Variants in MYO1F observed in about 807,000 individuals in gnomAD.
The protein encoded by MYO1F is unconventional myosin-If.
Under a neutral mutation model 146.6 loss-of-function variants are expected in MYO1F, and 60 were observed. That is an observed-to-expected ratio of 0.41 (90% CI 0.33 to 0.51). MYO1F has a LOEUF of 0.51. Ranked by LOEUF, MYO1F falls within the 20% of genes least tolerant of loss-of-function variation. MYO1F has a pLI of 0.25. For missense variants in MYO1F, 1,274 were observed against 1,534.3 expected (o/e 0.83, Z 2.83); for synonymous variants, 602 against 602.1 (o/e 1.00, Z 0.00).
chr19:8,531,606 C>A (rs1972488970), intron 19 of MYO1F, among the ~76,000 whole-genome samples: 1 of 152,256 alleles, frequency 6.6e-6, no homozygotes, highest in South Asian at 2.1e-4. Flanking sequence ...CGTCTCTCCC[C>A]ATGTGGGGTA....
chr19:8,526,160 C>G (rs1311720470), intron 24 of MYO1F, among the ~76,000 whole-genome samples: 2 of 152,158 alleles, frequency 1.3e-5, no homozygotes, highest in Non-Finnish European at 2.9e-5. Flanking sequence ...AACCCCGTCT[C>G]TACTAAAACT....
At chr19:8,565,919 A>G (rs1600049659) in intron 1 of MYO1F, among the ~76,000 whole-genome samples, 1 of 151,602 alleles carries the variant, frequency 6.6e-6, no homozygotes, top group East Asian at 1.9e-4. Context: ...TGAGACCCCC[A>G]TCTCTGCAAA....
chr19:8,522,915 G>C (rs1228464021), intron 25 of MYO1F, 86 bp from the exon 26 acceptor site: 1 of 1,213,538 alleles, frequency 8.2e-7, no homozygotes, highest in East Asian at 2.5e-5. Flanking sequence ...CTCAGGCTGA[G>C]GGAGGAGACT....
intron 4 of MYO1F, 129 bp from the exon 5 acceptor site, chr19:8,553,566 C>A (rs548405965): frequency 6.6e-6 from 5 of 757,106 alleles, no homozygotes; most frequent in Admixed American, 2.1e-5. Flanking sequence ...CTGTAATGAA[C>A]AAGACAGATA....
At chr19:8,570,914 A>C (rs559011220) in intron 1 of MYO1F, among the ~76,000 whole-genome samples, 37 of 152,258 alleles carry the variant, frequency 2.4e-4, no homozygotes, top group Admixed American at 6.5e-4. Flanking sequence ...CCTCATTCGG[A>C]AAATGGGAAC....
At chr19:8,532,949 C>CACACACACACACA (rs1568337800) in intron 19 of MYO1F, among the ~76,000 whole-genome samples, 1 of 139,312 alleles carries the variant, frequency 7.2e-6, no homozygotes, top group African/African-American at 2.7e-5. Context: ...CACACACACA[C>CACACACACACACA]AATTGGGCTT....
chr19:8,540,127 A>G lies in MYO1F; in HGVS notation c.1611-99T>C, dbSNP rs993853546. The G allele has an allele frequency of 3.4e-6, 3 of 887,718 alleles. No homozygotes were observed. In the East Asian group the frequency reaches 8.0e-5, roughly 24 times the overall value. 55.0% of individuals were successfully genotyped at this position (887,718 alleles called of 1,614,324 possible). On this transcript the variant is annotated intron_variant, in intron 15 of 27. Transcript: ENST00000644032. ...CAGCCTCAATGCCGCAACGCAAAAT[A>G]TGGTTCTCTCAATGTGGAGGGGAGC... is the stretch of plus-strand genomic sequence containing the variant.
chr19:8,571,879 A>G (rs920222342), intron 1 of MYO1F, among the ~76,000 whole-genome samples: 12 of 150,504 alleles, frequency 8.0e-5, no homozygotes, highest in African/African-American at 2.4e-4. Flanking sequence ...TTATAGGTGT[A>G]AGCCACCGCG....
At position 8,526,640 on chromosome 19, in the gene MYO1F, G is replaced by GT. The variant is rs112150607; in HGVS notation, c.2622-40dup. The GT allele has an allele frequency of 1.9e-3, 2,904 of 1,565,056 alleles. 44 individuals are homozygous for GT. The African/African-American group carries it at 0.034, about 18-fold the overall frequency. On this transcript the variant is annotated intron_variant, in intron 23 of 27. Transcript: ENST00000644032. ...AGAAAGCTTGGGGGCGCTGGCTGAGGTCCCCCGCCCCACCCAACTCTCGCT... is the reference window on the plus strand; with the variant it reads ...AGAAAGCTTGGGGGCGCTGGCTGAGGTTCCCCCGCCCCACCCAACTCTCGCT...
intron 27 of MYO1F, among the ~76,000 whole-genome samples, chr19:8,522,061 C>T (rs374214765): frequency 0.011 from 1,619 of 148,790 alleles, 19 homozygotes; most frequent in Middle Eastern, 0.031. Flanking sequence ...CTCGCTCTAT[C>T]GCCCAGGCTG....
At chr19:8,555,376 CAAAAAAAAAAAAAAAA>C (rs886749061) in intron 2 of MYO1F, 389 of 100,274 alleles carry the variant, frequency 3.9e-3, no homozygotes, top group Middle Eastern at 0.013. Flanking sequence ...GACTCCGTCT[CAAAAAAAAAAAAAAAA>C]AAAAAAAAAA....
chr19:8,562,648 C>G (rs920919366), intron 1 of MYO1F, among the ~76,000 whole-genome samples: 51 of 151,476 alleles, frequency 3.4e-4, no homozygotes, highest in African/African-American at 1.2e-3. Flanking sequence ...GATCCTCCCA[C>G]CCCAGCCTCC....
In MYO1F at chr19:8,536,826, G is replaced by A. The variant is rs547125531; in HGVS notation, c.1799+123C>T. 8.5e-6 allele frequency: 6 copies of A among 706,322 alleles called. No homozygotes were observed. In the African/African-American group the frequency reaches 1.1e-4, roughly 12 times the overall value. The allele number at this position is 706,322 out of a possible 1,614,324, so 43.8% of individuals were successfully genotyped here. On this transcript the variant is annotated intron_variant, in intron 17 of 27. Coordinates refer to ENST00000644032, the MANE Select transcript of MYO1F (RefSeq NM_012335.4). ...GGGTCAGTTCTGCAGGTGGGGGATT[G>A]TGGGAGGGGCTGTGCTAGTCCCTGG...
In MYO1F at chr19:8,530,145, G is replaced by A. The variant is rs1384194078; in HGVS notation, c.2328+51C>T. 3 of 1,611,496 alleles carry A rather than the reference G, an allele frequency of 1.9e-6. No homozygotes were observed. Among genetic ancestry groups the A allele is most frequent in the Admixed American group, 3.3e-5 (2 of 59,986 alleles). On this transcript the variant is annotated intron_variant, in intron 21 of 27. Transcript: ENST00000644032. This position sits in a 1 kb window ranked among gnomAD's most constrained non-coding sequence, Gnocchi z 5.8. ...GGCAGGTGCATCTGGGCCAGGTGAG[G>A]GTGCCAGGCTGTAGTCAGGGTCTTG...
Position 8,562,598 on chromosome 19 carries a change from T to G in MYO1F, c.4-6802A>C, listed in dbSNP as rs142922901. On this transcript the variant is annotated intron_variant, in intron 1 of 27. Transcript: ENST00000644032. ...TTGCCCAGGCTGGAGTGCAGTGGTG[T>G]AATCATAGCTAACTGTAGCCTTGAC... Among the ~76,000 whole-genome samples, 63 of 151,996 alleles carry G rather than the reference T, an allele frequency of 4.1e-4. 1 individual carries two copies. In the East Asian group the frequency reaches 0.012, roughly 28 times the overall value.
At chr19:8,537,132 T>C in intron 16 of MYO1F, 77 bp from the exon 17 acceptor site, 1 of 960,826 alleles carries the variant, frequency 1.0e-6, no homozygotes, top group Admixed American at 2.0e-5. Flanking sequence ...CCACCCTGGA[T>C]ACAGTCCCAA....
At chr19:8,524,310 G>A (rs920046137) in intron 25 of MYO1F, among the ~76,000 whole-genome samples, 3 of 151,406 alleles carry the variant, frequency 2.0e-5, no homozygotes, top group African/African-American at 7.3e-5. Context: ...CAGCTACTGG[G>A]GAGGCTGAGG....
chr19:8,569,651 T>C (rs1315406784), intron 1 of MYO1F, among the ~76,000 whole-genome samples: 1 of 152,052 alleles, frequency 6.6e-6, no homozygotes, highest in Non-Finnish European at 1.5e-5. Context: ...GAGGAGACCA[T>C]GGCTGGAAAG....
intron 24 of MYO1F, 29 bp downstream of exon 24, chr19:8,526,424 C>T (rs1360949481): frequency 3.9e-6 from 6 of 1,549,654 alleles, no homozygotes; most frequent in Non-Finnish European, 5.2e-6. Context: ...TGGCCCCGCC[C>T]CCTCTGCCCT....
Sources: allele counts gnomAD v4.1 joint callset (sites outside exome capture counted in the v4.1 genomes callset), GRCh38; gene constraint gnomAD v4.1.1; non-coding constraint Gnocchi (gnomAD v3.1); transcripts MANE v1.5; gene names NCBI Gene and HGNC (gene_info 2026-07-23, HGNC 2026-07-21).